Variants in GRID2 observed in about 807,000 individuals in gnomAD.
GRID2 encodes glutamate ionotropic receptor delta type subunit 2.
GRID2 carries 33 observed loss-of-function variants against 114.8 expected under a neutral mutation model. That is an observed-to-expected ratio of 0.29 (90% CI 0.22 to 0.38). The LOEUF (loss-of-function observed/expected upper bound fraction) is 0.38, where lower values mean the gene tolerates loss of function less well. Among genes scored for constraint, GRID2 ranks in the 10% least tolerant of loss-of-function variants. GRID2 has a pLI of 1.00. For missense variants in GRID2, 1,184 were observed against 1,257.7 expected (o/e 0.94, Z 0.89); for synonymous variants, 505 against 449.9 (o/e 1.12, Z -1.55).
intron 8 of GRID2, among the ~76,000 whole-genome samples, chr4:93,297,231 G>A (rs535540880): frequency 3.3e-5 from 5 of 152,258 alleles, no homozygotes; most frequent in East Asian, 3.9e-4. Context: ...AGAGCAGTAC[G>A]TGATACATGT....
Position 93,390,857 on chromosome 4 carries a change from G to A in GRID2, c.1246-4750G>A, listed in dbSNP as rs183100063. Among the ~76,000 whole-genome samples the A allele has an allele frequency of 5.3e-5, 8 of 151,848 alleles. No individual in the cohort carries two copies. In the East Asian group the frequency reaches 1.5e-3, roughly 29 times the overall value. On this transcript the variant is annotated intron_variant, in intron 8 of 15. Coordinates refer to ENST00000282020, the MANE Select transcript of GRID2 (RefSeq NM_001510.4). ...TATGTATACATATTTGTATATATAT[G>A]TGTGTGTATATATATGCTGGTTCTC...
intron 1 of GRID2, among the ~76,000 whole-genome samples, chr4:92,405,716 C>CAAA (rs59410809): frequency 7.2e-6 from 1 of 139,340 alleles, no homozygotes; most frequent in South Asian, 2.2e-4. Context: ...TTCAGTAATA[C>CAAA]AAAAAAAAAA....
chr4:92,369,892 G>A (rs541309096), intron 1 of GRID2, among the ~76,000 whole-genome samples: 202 of 152,160 alleles, frequency 1.3e-3, no homozygotes, highest in African/African-American at 4.6e-3. Flanking sequence ...TTGTTCATAG[G>A]TTCTTTTTAG....
chr4:93,593,550 G>A (rs1247776310), intron 13 of GRID2, among the ~76,000 whole-genome samples: 2 of 143,884 alleles, frequency 1.4e-5, no homozygotes, highest in African/African-American at 2.6e-5. Context: ...TGCTCTTCTC[G>A]AGGAGTATCT....
chr4:93,683,834 T>C (rs1725828215), intron 14 of GRID2, among the ~76,000 whole-genome samples: 1 of 152,046 alleles, frequency 6.6e-6, no homozygotes, highest in African/African-American at 2.4e-5. Context: ...CATATTATTA[T>C]AAAACCAACA....
chr4:92,608,179 T>C (rs1729550983), intron 2 of GRID2, among the ~76,000 whole-genome samples: 3 of 151,798 alleles, frequency 2.0e-5, no homozygotes, highest in African/African-American at 7.3e-5. Flanking sequence ...ACAGTAACTT[T>C]TCTCTCAAGA....
chr4:93,200,598 C>A (rs965866340), intron 4 of GRID2, among the ~76,000 whole-genome samples: 15 of 146,550 alleles, frequency 1.0e-4, no homozygotes, highest in South Asian at 2.2e-4. Flanking sequence ...AACAAAAAAA[C>A]ATTACATATA....
At chr4:92,838,868 T>A (rs994694908) in intron 2 of GRID2, 1 of 151,986 alleles carries the variant, frequency 6.6e-6, no homozygotes, top group Admixed American at 6.6e-5. Flanking sequence ...TCCTCTCAGA[T>A]CTCTATTACC....
chr4:93,767,324 A>G lies in GRID2; in HGVS notation c.2361-1886A>G, dbSNP rs1455286694. 2.0e-5 allele frequency among the ~76,000 whole-genome samples: 3 copies of G among 152,196 alleles called. No individual in the cohort carries two copies. In the East Asian group the frequency reaches 5.8e-4, roughly 29 times the overall value. ...TCTTGTAGGTACTGGTTTGCTGTGA[A>G]ATGCACTTTTGGAAATTCTGGAAAT... On this transcript the variant is annotated intron_variant, in intron 14 of 15. Coordinates refer to ENST00000282020, the MANE Select transcript of GRID2 (RefSeq NM_001510.4).
chr4:92,705,582 G>A (rs186431743), intron 2 of GRID2, among the ~76,000 whole-genome samples: 44 of 152,226 alleles, frequency 2.9e-4, no homozygotes, highest in African/African-American at 7.9e-4. Context: ...AAAGAAAACC[G>A]GACTGGACTA....
chr4:92,615,534 C>G (rs1464651840), intron 2 of GRID2, among the ~76,000 whole-genome samples: 1 of 151,662 alleles, frequency 6.6e-6, no homozygotes, highest in Non-Finnish European at 1.5e-5. Flanking sequence ...CTCTTACAGA[C>G]AGCATAAGAT....
intron 4 of GRID2, among the ~76,000 whole-genome samples, chr4:93,173,495 C>T (rs980135381): frequency 2.0e-5 from 3 of 152,178 alleles, no homozygotes; most frequent in South Asian, 4.2e-4. Flanking sequence ...AGAGCCCATG[C>T]TTACTAAAGA....
At position 93,163,354 on chromosome 4, in the gene GRID2, GTGTATATATATATATATATATATATA is replaced by G. The variant is rs1285119474; in HGVS notation, c.736-44048_736-44023del. On this transcript the variant is annotated intron_variant, in intron 4 of 15. Coordinates refer to ENST00000282020, the MANE Select transcript of GRID2 (RefSeq NM_001510.4). ...ATTTTCCACTTCTGATTTTTTTTTT[GTGTATATATATATATATATATATATA>G]TATATATATATATATATATACACTA... Among the ~76,000 whole-genome samples, 4 of 28,506 alleles carry G rather than the reference GTGTATATATATATATATATATATATA, an allele frequency of 1.4e-4. 1 individual carries two copies. The highest frequency in any genetic ancestry group is 8.1e-4 in the African/African-American group (4 of 4,922). The allele number at this position is 28,506 out of a possible 152,430, so 18.7% of individuals were successfully genotyped here. A position where few individuals can be genotyped will look rare whatever the true frequency, so the allele number is the denominator to read the frequency against.
At chr4:92,969,225 G>A (rs1332194839) in intron 2 of GRID2, among the ~76,000 whole-genome samples, 1 of 151,474 alleles carries the variant, frequency 6.6e-6, no homozygotes, top group Non-Finnish European at 1.5e-5. Context: ...AGAGATGGAT[G>A]TAAAGTGTCA....
intron 2 of GRID2, among the ~76,000 whole-genome samples, chr4:92,984,794 C>T (rs1005925456): frequency 2.0e-5 from 3 of 151,186 alleles, no homozygotes; most frequent in African/African-American, 7.3e-5. Context: ...CCAGTCTTGA[C>T]AATTTTAATG....
chr4:93,525,014 ATTC>A (rs1730746953), intron 13 of GRID2, among the ~76,000 whole-genome samples: 1 of 151,766 alleles, frequency 6.6e-6, no homozygotes, highest in Non-Finnish European at 1.5e-5. Context: ...ATCTGCTCCA[ATTC>A]TTCTTTTAAT....
At chr4:92,663,741 A>G (rs1691125266) in intron 2 of GRID2, among the ~76,000 whole-genome samples, 1 of 151,124 alleles carries the variant, frequency 6.6e-6, no homozygotes, top group Non-Finnish European at 1.5e-5. Flanking sequence ...ATCTGTCTGC[A>G]GAACTCTTTT....
intron 9 of GRID2, among the ~76,000 whole-genome samples, chr4:93,396,712 G>C (rs1041428435): frequency 6.6e-6 from 1 of 151,826 alleles, no homozygotes; most frequent in African/African-American, 2.4e-5. Flanking sequence ...GTCAATAAAT[G>C]GTAACTGTTA....
chr4:93,728,132 A>C (rs532236224), intron 14 of GRID2, among the ~76,000 whole-genome samples: 85 of 151,766 alleles, frequency 5.6e-4, no homozygotes, highest in African/African-American at 1.8e-3. Context: ...TAGTGCTATA[A>C]ATTTCCCTCT....
Sources: gnomAD v4.1 joint callset for allele counts (sites outside exome capture counted in the v4.1 genomes callset) on GRCh38, gnomAD v4.1.1 for gene constraint, MANE v1.5 for transcripts, NCBI Gene and HGNC (gene_info 2026-07-23, HGNC 2026-07-21) for gene names.